EPB41L2: variants seen among roughly 807,000 people sequenced by gnomAD.
EPB41L2 encodes the protein band 4.1-like protein 2.
Under a neutral mutation model 113.0 loss-of-function variants are expected in EPB41L2, and 43 were observed. The observed-to-expected ratio is 0.38, with a 90% CI of 0.30 to 0.49. The LOEUF is 0.49. Ranked by LOEUF, EPB41L2 falls within the 20% of genes least tolerant of loss-of-function variation. The pLI, the probability that EPB41L2 is intolerant of heterozygous loss-of-function variation, is 0.95. For missense variants in EPB41L2, 1,147 were observed against 1,223.4 expected, an observed-to-expected ratio of 0.94 and a Z score of 0.93; for synonymous variants, 442 against 436.7, an observed-to-expected ratio of 1.01 and a Z score of -0.15.
At chr6:130,940,678 G>T (rs1810519680) in intron 3 of EPB41L2, among the ~76,000 whole-genome samples, 1 of 152,128 alleles carries the variant, frequency 6.6e-6, no homozygotes, top group African/African-American at 2.4e-5. Flanking sequence ...CATTGGCCAG[G>T]TTAGTCTCAA....
chr6:130,865,925 A>C (rs1783606822), intron 16 of EPB41L2: 1 of 287,120 alleles, frequency 3.5e-6, no homozygotes, highest in African/African-American at 2.2e-5. Flanking sequence ...TGTCTGAAGG[A>C]CTTTTGCACA....
chr6:130,843,394 T>C (rs1469643567), intron 19 of EPB41L2, among the ~76,000 whole-genome samples: 1 of 152,220 alleles, frequency 6.6e-6, no homozygotes, highest in Non-Finnish European at 1.5e-5. Context: ...TGGCTCTTCA[T>C]GTAAAAGCTG....
At chr6:130,844,188 AAAC>A (rs1398434419) in intron 19 of EPB41L2, among the ~76,000 whole-genome samples, 6 of 152,230 alleles carry the variant, frequency 3.9e-5, no homozygotes, top group Non-Finnish European at 7.3e-5. Context: ...TAATACAAGA[AAAC>A]AACATTTCTT....
chr6:130,850,726 T>C (rs940221876), intron 19 of EPB41L2, among the ~76,000 whole-genome samples: 2 of 152,188 alleles, frequency 1.3e-5, no homozygotes, highest in African/African-American at 2.4e-5. Flanking sequence ...ACAATAAAGA[T>C]AGTTTCATTT....
At chr6:131,011,917 C>T (rs972021517) in intron 1 of EPB41L2, among the ~76,000 whole-genome samples, 1 of 152,098 alleles carries the variant, frequency 6.6e-6, no homozygotes, top group Admixed American at 6.6e-5. Context: ...AAGAGAACAA[C>T]TTTCCAGGCC....
intron 3 of EPB41L2, among the ~76,000 whole-genome samples, chr6:130,941,886 C>T (rs1450367347): frequency 6.6e-6 from 1 of 152,180 alleles, no homozygotes; most frequent in East Asian, 1.9e-4. Flanking sequence ...TAAATTAATA[C>T]TCCTAATCAT....
intron 4 of EPB41L2, among the ~76,000 whole-genome samples, chr6:130,922,494 G>A (rs1803182738): frequency 6.6e-6 from 1 of 152,164 alleles, no homozygotes; most frequent in African/African-American, 2.4e-5. Flanking sequence ...AATCTAAAAT[G>A]TATTTTTTCC....
At chr6:130,900,415 T>C (rs1359517607) in intron 7 of EPB41L2, among the ~76,000 whole-genome samples, 2 of 152,230 alleles carry the variant, frequency 1.3e-5, no homozygotes, top group Non-Finnish European at 2.9e-5. Context: ...TTCACACACA[T>C]ATAAATGTTC....
intron 1 of EPB41L2, among the ~76,000 whole-genome samples, chr6:130,985,683 T>C (rs754225200): frequency 1.3e-5 from 2 of 152,138 alleles, no homozygotes; most frequent in Non-Finnish European, 2.9e-5. Flanking sequence ...TGGATCAGAA[T>C]TATACACAAA....
intron 3 of EPB41L2, among the ~76,000 whole-genome samples, chr6:130,947,024 C>CA (rs1250611851): frequency 2.1e-5 from 3 of 143,764 alleles, no homozygotes; most frequent in African/African-American, 5.4e-5. Context: ...AAGACCCCCC[C>CA]CCCAGCCCCT....
chr6:130,981,525 C>G (rs555470346), intron 1 of EPB41L2, among the ~76,000 whole-genome samples: 21 of 152,256 alleles, frequency 1.4e-4, no homozygotes, highest in African/African-American at 4.8e-4. Context: ...AACAAAACTC[C>G]TTTTATAGGG....
intron 1 of EPB41L2, among the ~76,000 whole-genome samples, chr6:131,062,850 G>A (rs1205743092): frequency 1.3e-5 from 2 of 151,948 alleles, no homozygotes; most frequent in Non-Finnish European, 2.9e-5. Context: ...GAAGAGGGAA[G>A]AGGGGGACCG....
chr6:130,894,913 C>T (rs1290310990), intron 9 of EPB41L2, 54 bp downstream of exon 9: 2 of 1,485,522 alleles, frequency 1.3e-6, no homozygotes, highest in African/African-American at 2.8e-5. Context: ...TTTTTAAATT[C>T]ATGGTCGTAA....
intron 6 of EPB41L2, 128 bp from the exon 7 acceptor site, chr6:130,901,308 G>T: frequency 1.4e-6 from 1 of 721,676 alleles, no homozygotes; most frequent in Non-Finnish European, 2.2e-6. Flanking sequence ...CATATAAACA[G>T]CAAAAATCAT....
intron 1 of EPB41L2, among the ~76,000 whole-genome samples, chr6:131,009,169 C>T (rs1473274649): frequency 6.6e-6 from 1 of 152,178 alleles, no homozygotes; most frequent in Non-Finnish European, 1.5e-5. Context: ...AAGTGAATCA[C>T]AGGGGCAGTT....
At chr6:130,845,141 T>C (rs371594619) in intron 19 of EPB41L2, among the ~76,000 whole-genome samples, 1 of 152,262 alleles carries the variant, frequency 6.6e-6, no homozygotes, top group African/African-American at 2.4e-5. Flanking sequence ...ATTCTTAAAA[T>C]GTCTGTATTA....
chr6:130,866,439 A>G (rs886484568), intron 16 of EPB41L2, among the ~76,000 whole-genome samples: 2 of 152,226 alleles, frequency 1.3e-5, no homozygotes, highest in African/African-American at 4.8e-5. Flanking sequence ...CTGTAAGAGG[A>G]AATCTCTTTC....
chr6:131,047,617 G>A lies in EPB41L2; in HGVS notation c.-15+15538C>T, dbSNP rs114775821. 3.9e-3 allele frequency among the ~76,000 whole-genome samples: 589 copies of A among 152,220 alleles called. 5 individuals are homozygous for A. The highest frequency in any genetic ancestry group is 0.014 in the African/African-American group (572 of 41,520). Reference sequence around the variant, plus strand: ...CTATAATGCCAACAATTTACACAACGATTTCTAAATTAGTGTATCATCAAT... The same window carrying A: ...CTATAATGCCAACAATTTACACAACAATTTCTAAATTAGTGTATCATCAAT... On this transcript the variant is annotated intron_variant, in intron 1 of 19. Transcript: ENST00000337057.
At chr6:131,022,918 CT>C (rs1374360800) in intron 1 of EPB41L2, among the ~76,000 whole-genome samples, 3 of 152,188 alleles carry the variant, frequency 2.0e-5, no homozygotes, top group Non-Finnish European at 4.4e-5. Flanking sequence ...TCATACCAGA[CT>C]CAACTCTAGA....
Sources: allele counts gnomAD v4.1 joint callset (sites outside exome capture counted in the v4.1 genomes callset), GRCh38; gene constraint gnomAD v4.1.1; transcripts MANE v1.5; gene names NCBI Gene and HGNC (gene_info 2026-07-23, HGNC 2026-07-21).